PKD1L1: variants seen among roughly 807,000 people sequenced by gnomAD.
The protein encoded by PKD1L1 is polycystin 1 like 1, transient receptor potential channel interacting.
PKD1L1 carries 236 observed loss-of-function variants against 323.4 expected under a neutral mutation model. The observed-to-expected ratio is 0.73, with a 90% CI of 0.66 to 0.81. PKD1L1 has a LOEUF of 0.81. PKD1L1 is among the 40% of genes least tolerant of loss of function. The pLI is 0.00. For synonymous variants in PKD1L1, 1,344 were observed against 1,335.0 expected, an observed-to-expected ratio of 1.01 and a Z score of -0.15; for missense variants, 3,320 against 3,508.0, an observed-to-expected ratio of 0.95 and a Z score of 1.35.
intron 45 of PKD1L1, among the ~76,000 whole-genome samples, chr7:47,823,567 T>C (rs960286153): frequency 6.6e-6 from 1 of 152,306 alleles, no homozygotes; most frequent in Admixed American, 6.5e-5. Context: ...CAGATTAAGA[T>C]TGGACTGTTT....
chr7:47,855,354 C>T (rs1583622845), intron 28 of PKD1L1, 89 bp from the exon 29 acceptor site: 3 of 856,948 alleles, frequency 3.5e-6, no homozygotes, highest in Non-Finnish European at 5.5e-6. Context: ...CGTGGTGCTG[C>T]TATTACACTT....
In PKD1L1 at chr7:47,796,042, A is replaced by G. The variant is rs1784519747; in HGVS notation, c.8302T>C (p.Phe2768Leu). The G allele has an allele frequency of 1.2e-6, 2 of 1,612,916 alleles. No homozygotes were observed. The highest frequency in any genetic ancestry group is 1.3e-5 in the African/African-American group (1 of 74,900). The part of the protein sequence containing the change: ...TAYMWEKVLT[F>L]LRLETPKLEE... ...AACTTTGGTGTTTCCAGTCTCAGAA[A>G]GGTGAGGACCTTTTCCCACATATAA... is the stretch of plus-strand genomic sequence containing the variant. The change falls in exon 55 of 57, where the codon TTT becomes CTT. Residue 2768 changes from phenylalanine to leucine, a missense_variant. Physicochemically the swap from Phe to Leu is conservative, Grantham distance 22 (BLOSUM62 0). Transcript: ENST00000289672.
upstream of PKD1L1, among the ~76,000 whole-genome samples, chr7:47,949,617 T>C (rs1788173214): frequency 6.6e-6 from 1 of 152,152 alleles, no homozygotes; most frequent in Non-Finnish European, 1.5e-5. Context: ...TTTAAAGCAC[T>C]TGTTAGTTGT....
At position 47,932,012 on chromosome 7, in the gene PKD1L1, C is replaced by T; in HGVS notation, c.443G>A (p.Ser148Asn). The T allele has an allele frequency of 6.2e-7, 1 of 1,614,098 alleles. No individual in the cohort carries two copies. The change falls in exon 5 of 57, where the codon AGT becomes AAT. Residue 148 changes from serine (S) to asparagine (N), a missense_variant. By Grantham distance (46) the Ser-to-Asn change is conservative. Coordinates refer to ENST00000289672, the MANE Select transcript of PKD1L1 (RefSeq NM_138295.5). ...CCTGTGATGGAACCTGGGGCCACCACTGCTCCAGGCCCTTGCGATTATAAT... is the reference window on the plus strand; with the variant it reads ...CCTGTGATGGAACCTGGGGCCACCATTGCTCCAGGCCCTTGCGATTATAAT... ...PFIIIARAWS[S>N]GGPRFHHRRL... is the part of the protein sequence containing the mutation.
Position 47,858,977 on chromosome 7 carries a change from T to A in PKD1L1, c.4150-92A>T. ...AGGATGAGAACCGCACTCATAAAGC[T>A]TAGCTGCATGAACAGAAAAGATGTA... On this transcript the variant is annotated intron_variant, in intron 26 of 56. Coordinates refer to ENST00000289672, the MANE Select transcript of PKD1L1 (RefSeq NM_138295.5). 2.7e-6 allele frequency: 4 copies of A among 1,471,872 alleles called. No individual in the cohort carries two copies. The South Asian group carries it at 3.6e-5, about 13-fold the overall frequency. 91.2% of individuals were successfully genotyped at this position (1,471,872 alleles called of 1,614,324 possible). A position where few individuals can be genotyped will look rare whatever the true frequency, so the allele number is the denominator to read the frequency against.
intron 7 of PKD1L1, among the ~76,000 whole-genome samples, chr7:47,921,525 T>G (rs1787538099): frequency 6.6e-6 from 1 of 152,230 alleles, no homozygotes; most frequent in Admixed American, 6.5e-5. Context: ...GCAATCCCAC[T>G]ACTGGATATC....
chr7:47,949,486 G>C (rs560619385), upstream of PKD1L1, among the ~76,000 whole-genome samples: 1 of 150,452 alleles, frequency 6.6e-6, no homozygotes, highest in Non-Finnish European at 1.5e-5. Flanking sequence ...CACACTAGGC[G>C]CACTCTGTCT....
chr7:47,817,826 C>T (rs572172672), intron 46 of PKD1L1, among the ~76,000 whole-genome samples: 2 of 151,932 alleles, frequency 1.3e-5, no homozygotes, highest in African/African-American at 2.4e-5. Context: ...GCCGAGATCG[C>T]GTCACTGCAC....
In PKD1L1 at chr7:47,790,773, T is replaced by C. The variant is rs1236156339; in HGVS notation, c.8526+1854A>G. On this transcript the variant is annotated intron_variant, in intron 56 of 56. Transcript: ENST00000289672. ...ATTTTTTATTTTTATTTTTTCTGTT[T>C]TCTGTTTTTTTTTTTGAGACGTGGT... Among the ~76,000 whole-genome samples the C allele has an allele frequency of 7.8e-5, 7 of 89,660 alleles. No individual in the cohort carries two copies. In the South Asian group the frequency reaches 2.3e-3, roughly 30 times the overall value. The allele number at this position is 89,660 out of a possible 152,430, so 58.8% of individuals were successfully genotyped here. A position where few individuals can be genotyped will look rare whatever the true frequency, so the allele number is the denominator to read the frequency against.
intron 15 of PKD1L1, among the ~76,000 whole-genome samples, chr7:47,893,211 C>A (rs1786859873): frequency 8.7e-6 from 1 of 114,834 alleles, no homozygotes; most frequent in African/African-American, 3.4e-5. Context: ...GTCTGGGTGA[C>A]AGAGTGAGAC....
In PKD1L1 at chr7:47,830,072, C is replaced by A; in HGVS notation, c.6526G>T (p.Val2176Phe). 6.2e-7 allele frequency: 1 copy of A among 1,614,182 alleles called. No homozygotes were observed. Among genetic ancestry groups the A allele is most frequent in the Non-Finnish European group, 8.5e-7 (1 of 1,180,040 alleles). ...QWLHLLSLSV[V>F]CCIFITQPLM... ...GGCTGGGTGATGAAAATACAGCAGA[C>A]CACGGAGAGGGACAGCAGGTGCAGC... The change falls in exon 43 of 57, where the codon GTC becomes TTC. Residue 2176 changes from valine (V) to phenylalanine (F), a missense_variant. Val to Phe is a conservative substitution (Grantham distance 50, BLOSUM62 -1). Transcript: ENST00000289672.
intron 13 of PKD1L1, among the ~76,000 whole-genome samples, chr7:47,901,814 T>C (rs1207189672): frequency 6.6e-6 from 1 of 152,214 alleles, no homozygotes; most frequent in East Asian, 1.9e-4. Flanking sequence ...CATGTGTCAT[T>C]TGAGCACCTC....
Position 47,796,155 on chromosome 7 carries a change from G to A in PKD1L1, c.8194-5C>T, listed in dbSNP as rs1262172552. 9 of 1,567,538 alleles carry A rather than the reference G, an allele frequency of 5.7e-6. No individual in the cohort carries two copies. Among genetic ancestry groups the A allele is most frequent in the Middle Eastern group, 1.7e-4 (1 of 5,812 alleles). ...AGTCATGAGAAAACCTCTCAGCTAG[G>A]AAAAAGAAAAAAATAAAGACAAATT... On this transcript the variant is annotated splice_region_variant and splice_polypyrimidine_tract_variant and intron_variant, in intron 54 of 56. Transcript: ENST00000289672.
chr7:47,849,270 C>T (rs779342177), intron 31 of PKD1L1, among the ~76,000 whole-genome samples: 1 of 152,156 alleles, frequency 6.6e-6, no homozygotes, highest in Non-Finnish European at 1.5e-5. Context: ...CAGAAAAACT[C>T]TTCTAGACAT....
In PKD1L1 at chr7:47,843,643, T is replaced by A. The variant is rs182224704; in HGVS notation, c.5238-474A>T. Among the ~76,000 whole-genome samples the A allele has an allele frequency of 4.7e-4, 72 of 152,292 alleles. No homozygotes were observed. The East Asian group carries it at 9.1e-3, about 19-fold the overall frequency. On this transcript the variant is annotated intron_variant, in intron 33 of 56. Coordinates refer to ENST00000289672, the MANE Select transcript of PKD1L1 (RefSeq NM_138295.5). Reference sequence around the variant, plus strand: ...CCCTGCCTGTGCCTCCCACCGCCCCTGTGGATGGTGCTGCTTGTTCCCTAC... The same window carrying A: ...CCCTGCCTGTGCCTCCCACCGCCCCAGTGGATGGTGCTGCTTGTTCCCTAC...
intron 4 of PKD1L1, among the ~76,000 whole-genome samples, chr7:47,934,344 C>T (rs118078377): frequency 3.3e-5 from 5 of 152,260 alleles, no homozygotes; most frequent in East Asian, 1.9e-4. Flanking sequence ...CATGACACTT[C>T]GGCTCTGGGG....
chr7:47,917,611 G>A (rs944314348), intron 7 of PKD1L1, among the ~76,000 whole-genome samples: 4 of 152,190 alleles, frequency 2.6e-5, no homozygotes, highest in South Asian at 2.1e-4. Context: ...AAAGGAAAAC[G>A]TATCAGATTA....
chr7:47,941,698 G>C (rs1342883059), intron 2 of PKD1L1, among the ~76,000 whole-genome samples: 1 of 152,150 alleles, frequency 6.6e-6, no homozygotes, highest in Non-Finnish European at 1.5e-5. Flanking sequence ...ACATCCGAGA[G>C]GAAGAAATAT....
rs114813684 is a variant in PKD1L1, at chr7:47,937,803, T to C, written c.286-845A>G. ...GGCCTGTGCACACTGAGAGCTTAGG[T>C]GGGGTGGGGGCATTGGAGGGCAGGT... On this transcript the variant is annotated intron_variant, in intron 3 of 56. Transcript: ENST00000289672. 8.9e-3 allele frequency among the ~76,000 whole-genome samples: 1,346 copies of C among 151,516 alleles called. 21 individuals are homozygous for C. Among genetic ancestry groups the C allele is most frequent in the African/African-American group, 0.031 (1,283 of 41,300 alleles).
Sources: gnomAD v4.1 joint callset for allele counts (sites outside exome capture counted in the v4.1 genomes callset) on GRCh38, gnomAD v4.1.1 for gene constraint, MANE v1.5 for transcripts, NCBI Gene and HGNC (gene_info 2026-07-23, HGNC 2026-07-21) for gene names.